TMTC1: variants seen among roughly 807,000 people sequenced by gnomAD.
TMTC1 encodes the protein protein O-mannosyl-transferase TMTC1.
TMTC1 carries 73 observed loss-of-function variants against 104.8 expected under a neutral mutation model. That is an observed-to-expected ratio of 0.70 (90% CI 0.58 to 0.85). The LOEUF is 0.85. Ranked by LOEUF, TMTC1 falls within the 40% of genes least tolerant of loss-of-function variation. The pLI is 0.00. For synonymous variants in TMTC1, 434 were observed against 428.7 expected (o/e 1.01, Z -0.15); for missense variants, 1,035 against 1,096.1 (o/e 0.94, Z 0.79).
chr12:29,750,847 C>T (rs918354271), intron 5 of TMTC1, among the ~76,000 whole-genome samples: 2 of 152,212 alleles, frequency 1.3e-5, no homozygotes, highest in Admixed American at 1.3e-4. Context: ...TAACTAGGGA[C>T]TTTCCACTGG....
Position 29,639,407 on chromosome 12 carries a change from G to C in TMTC1, c.939-6071C>G, listed in dbSNP as rs374440851. Among the ~76,000 whole-genome samples, 6 of 152,244 alleles carry C rather than the reference G, an allele frequency of 3.9e-5. No individual in the cohort carries two copies. The East Asian group carries it at 9.6e-4, about 24-fold the overall frequency. On this transcript the variant is annotated intron_variant, in intron 5 of 17. Transcript: ENST00000539277. ...ATAAACATGACATTTTTAAAGAACA[G>C]TTATGAGTACAGGATTAGACATGTA...
intron 7 of TMTC1, among the ~76,000 whole-genome samples, chr12:29,591,633 A>G (rs1946283838): frequency 1.3e-5 from 2 of 152,340 alleles, no homozygotes; most frequent in South Asian, 4.1e-4. Context: ...ACCTCTCTCC[A>G]TAACAGGCTG....
chr12:29,604,954 T>C (rs1046367980), intron 6 of TMTC1, among the ~76,000 whole-genome samples: 9 of 152,200 alleles, frequency 5.9e-5, no homozygotes, highest in Non-Finnish European at 8.8e-5. Flanking sequence ...TCTGTTATTA[T>C]ATATCTTTAT....
intron 7 of TMTC1, among the ~76,000 whole-genome samples, chr12:29,596,481 GAA>G (rs761489077): frequency 1.9e-4 from 29 of 152,150 alleles, no homozygotes; most frequent in Non-Finnish European, 3.7e-4. Context: ...CTCCTGCTAT[GAA>G]AAGAGAATCA....
rs7308526 is a variant in TMTC1 at position 29,617,588 on chromosome 12, A to G, written c.1129-13289T>C. Among the ~76,000 whole-genome samples the G allele has an allele frequency of 8.5e-3, 1,264 of 149,106 alleles. 26 individuals carry two copies. Among genetic ancestry groups the G allele is most frequent in the African/African-American group, 0.029 (1,197 of 41,104 alleles). On this transcript the variant is annotated intron_variant, in intron 6 of 17. Transcript: ENST00000539277. Reference sequence around the variant, plus strand: ...AGAGAGATAAAAACCCTGCCTTTCCAGAGAGGAAAAGAGAGAAAGAGACCA... The same window carrying G: ...AGAGAGATAAAAACCCTGCCTTTCCGGAGAGGAAAAGAGAGAAAGAGACCA...
chr12:29,573,993 G>A (rs1410048231), intron 8 of TMTC1, among the ~76,000 whole-genome samples: 1 of 151,996 alleles, frequency 6.6e-6, no homozygotes, highest in Non-Finnish European at 1.5e-5. Flanking sequence ...GAGGGAAAGG[G>A]AGGAAGTGGA....
intron 15 of TMTC1, 112 bp downstream of exon 15, chr12:29,516,237 G>GGGAAA: frequency 7.5e-7 from 1 of 1,336,350 alleles, no homozygotes; most frequent in Non-Finnish European, 1.0e-6. Flanking sequence ...TATGCTGACG[G>GGGAAA]ATAAGATTTA....
At position 29,783,644 on chromosome 12, in the gene TMTC1, T is replaced by A. The variant is rs775615271; in HGVS notation, c.108A>T (p.Ala36=). ...GGGAGCGGCCGTAGCACAGGCAGCT[T>A]GCCCCGGCCAGCAGCGCCGCGGCCC... The part of the protein sequence containing the change: ...PAGAAALLAG[A]SCLCYGRSLQ... Residue 36 remains alanine (A), a synonymous_variant, in exon 1 of 18, where the codon GCA becomes GCT. Coordinates refer to ENST00000539277, the MANE Select transcript of TMTC1 (RefSeq NM_001193451.2). The surrounding 1 kb of genome is among the most constrained non-coding windows in gnomAD (Gnocchi z 4.7). 5.6e-6 allele frequency: 8 copies of A among 1,425,844 alleles called. No individual in the cohort carries two copies. In the African/African-American group the frequency reaches 7.4e-5, roughly 13 times the overall value. The allele number at this position is 1,425,844 out of a possible 1,614,324, so 88.3% of individuals were successfully genotyped here.
rs74082508 is a variant in TMTC1 at position 29,748,337 on chromosome 12, A to T, written c.938+3329T>A. Among the ~76,000 whole-genome samples, 558 of 152,312 alleles carry T rather than the reference A, an allele frequency of 3.7e-3. 8 individuals are homozygous for T. Among genetic ancestry groups the T allele is most frequent in the African/African-American group, 0.012 (489 of 41,570 alleles). ...ACTGAAGCAAGTCAAGAGGTGTCTCATTTGTGGAACCCGAGATGACTACAA... is the reference window on the plus strand; with the variant it reads ...ACTGAAGCAAGTCAAGAGGTGTCTCTTTTGTGGAACCCGAGATGACTACAA... On this transcript the variant is annotated intron_variant, in intron 5 of 17. Coordinates refer to ENST00000539277, the MANE Select transcript of TMTC1 (RefSeq NM_001193451.2).
intron 9 of TMTC1, among the ~76,000 whole-genome samples, chr12:29,563,271 A>C (rs1012434485): frequency 6.6e-6 from 1 of 152,204 alleles, no homozygotes; most frequent in African/African-American, 2.4e-5. Context: ...TGTAATTGAA[A>C]AAGCTATATC....
At chr12:29,544,015 G>A (rs1222886715) in intron 10 of TMTC1, among the ~76,000 whole-genome samples, 1 of 152,044 alleles carries the variant, frequency 6.6e-6, no homozygotes, top group Non-Finnish European at 1.5e-5. Context: ...AGGCCAAGGT[G>A]GGCAGATCAC....
chr12:29,643,426 C>CTGTGATATATATATATATATCACATATA lies in TMTC1; in HGVS notation c.939-10118_939-10091dup, dbSNP rs1467099937. On this transcript the variant is annotated intron_variant, in intron 5 of 17. Transcript: ENST00000539277. ...ACCCATCAATCAACGAGTGGATAAA[C>CTGTGATATATATATATATATCACATATA]TGTGATATATATATATATATCACAT... Among the ~76,000 whole-genome samples the CTGTGATATATATATATATATCACATATA allele has an allele frequency of 1.7e-3, 93 of 55,572 alleles. 3 individuals are homozygous for CTGTGATATATATATATATATCACATATA. Among genetic ancestry groups the CTGTGATATATATATATATATCACATATA allele is most frequent in the Middle Eastern group, 9.8e-3 (1 of 102 alleles). The allele number at this position is 55,572 out of a possible 152,430, so 36.5% of individuals were successfully genotyped here. A position where few individuals can be genotyped will look rare whatever the true frequency, so the allele number is the denominator to read the frequency against.
intron 5 of TMTC1, among the ~76,000 whole-genome samples, chr12:29,717,016 C>T (rs939537992): frequency 3.3e-5 from 5 of 151,836 alleles, no homozygotes; most frequent in African/African-American, 9.7e-5. Flanking sequence ...AGCAAGACTC[C>T]GTCTCAAAAA....
intron 10 of TMTC1, among the ~76,000 whole-genome samples, chr12:29,550,914 A>T: frequency 8.6e-6 from 1 of 115,616 alleles, no homozygotes; most frequent in Admixed American, 1.0e-4. Flanking sequence ...AGCCTGGGGG[A>T]GAGAGTGGGA....
chr12:29,615,253 G>A (rs1161835058), intron 6 of TMTC1, among the ~76,000 whole-genome samples: 29 of 152,118 alleles, frequency 1.9e-4, no homozygotes, highest in Admixed American at 1.9e-3. Context: ...TCACACACTG[G>A]CTTCTCAGGA....
At chr12:29,619,387 A>C (rs1453687760) in intron 6 of TMTC1, among the ~76,000 whole-genome samples, 1 of 152,222 alleles carries the variant, frequency 6.6e-6, no homozygotes, top group Admixed American at 6.5e-5. Flanking sequence ...GGATTTGTAA[A>C]AGTTTCAGCT....
chr12:29,567,721 A>G (rs1027089620), intron 9 of TMTC1, among the ~76,000 whole-genome samples: 1 of 152,214 alleles, frequency 6.6e-6, no homozygotes, highest in Non-Finnish European at 1.5e-5. Context: ...TTCACTTAAA[A>G]TAGGCTGTGT....
intron 11 of TMTC1, among the ~76,000 whole-genome samples, chr12:29,524,441 G>C (rs1944277388): frequency 6.6e-6 from 1 of 152,100 alleles, no homozygotes; most frequent in African/African-American, 2.4e-5. Context: ...TTATCCAGTA[G>C]ACAATCTAGA....
chr12:29,637,725 C>G (rs1938628325), intron 5 of TMTC1, among the ~76,000 whole-genome samples: 2 of 152,114 alleles, frequency 1.3e-5, no homozygotes, highest in African/African-American at 4.8e-5. Flanking sequence ...TGTTCTCTGC[C>G]TCAGCAAAAA....
Sources: allele counts gnomAD v4.1 joint callset (sites outside exome capture counted in the v4.1 genomes callset), GRCh38; gene constraint gnomAD v4.1.1; non-coding constraint Gnocchi (gnomAD v3.1); transcripts MANE v1.5; gene names NCBI Gene and HGNC (gene_info 2026-07-23, HGNC 2026-07-21).